Variants in LARGE1 observed in about 807,000 individuals in gnomAD.
LARGE1 encodes the protein xylosyl- and glucuronyltransferase LARGE1.
Under a neutral mutation model 87.6 loss-of-function variants are expected in LARGE1, and 43 were observed. The ratio of observed to expected loss-of-function variants is 0.49; its 90% CI spans 0.38 to 0.63. The LOEUF is 0.63. LARGE1 is among the 30% of genes least tolerant of loss of function. The probability of loss-of-function intolerance (pLI) is 0.00; values close to 1 mark genes in which losing one functional copy is unlikely to be tolerated. For missense variants in LARGE1, 802 were observed against 1,000.2 expected (o/e 0.80, Z 2.67); for synonymous variants, 434 against 394.6 (o/e 1.10, Z -1.18).
upstream of LARGE1, among the ~76,000 whole-genome samples, chr22:33,922,096 C>A (rs910943820): frequency 1.3e-5 from 2 of 152,084 alleles, no homozygotes; most frequent in Admixed American, 1.3e-4. Context: ...GGCGGGCCGC[C>A]GGGTCTTTGC....
At chr22:33,676,145 C>G (rs909396237) in intron 2 of LARGE1, among the ~76,000 whole-genome samples, 1 of 151,806 alleles carries the variant, frequency 6.6e-6, no homozygotes, top group African/African-American at 2.4e-5. Context: ...CAAAAAGTGG[C>G]TTATGCAGAT....
chr22:33,757,729 C>T (rs2084571220), intron 2 of LARGE1, among the ~76,000 whole-genome samples: 1 of 152,158 alleles, frequency 6.6e-6, no homozygotes, highest in African/African-American at 2.4e-5. Context: ...AGCAACTCTG[C>T]CCCTTATTTA....
At chr22:33,621,986 G>A (rs2079768470) in intron 4 of LARGE1, among the ~76,000 whole-genome samples, 1 of 152,158 alleles carries the variant, frequency 6.6e-6, no homozygotes, top group Admixed American at 6.5e-5. Flanking sequence ...AAACATCTGA[G>A]CTCCCAAACT....
At chr22:33,247,309 A>G (rs1001955280) in intron 11 of LARGE1, among the ~76,000 whole-genome samples, 3 of 152,250 alleles carry the variant, frequency 2.0e-5, no homozygotes, top group South Asian at 2.1e-4. Context: ...AATAAACTGA[A>G]TCTATCATTT....
intron 11 of LARGE1, among the ~76,000 whole-genome samples, chr22:33,248,573 A>T (rs1926873865): frequency 6.6e-6 from 1 of 152,116 alleles, no homozygotes; most frequent in East Asian, 1.9e-4. Context: ...AACGTGTCCT[A>T]ATCACCCAAA....
chr22:33,513,820 C>CACACAT (rs2071166732), intron 6 of LARGE1, among the ~76,000 whole-genome samples: 3 of 151,490 alleles, frequency 2.0e-5, no homozygotes, highest in Admixed American at 2.0e-4. Context: ...TGTACACACA[C>CACACAT]ACACACACAC....
intron 1 of LARGE1, among the ~76,000 whole-genome samples, chr22:33,826,811 C>T (rs1052040448): frequency 3.3e-5 from 5 of 151,938 alleles, no homozygotes; most frequent in African/African-American, 1.2e-4. Context: ...TATCATTGGC[C>T]TACAATAGTT....
intron 12 of LARGE1, among the ~76,000 whole-genome samples, chr22:33,291,432 A>C (rs1405706115): frequency 6.6e-6 from 1 of 152,060 alleles, no homozygotes; most frequent in Non-Finnish European, 1.5e-5. Flanking sequence ...ATTCCCTGAA[A>C]TAACTTCCTC....
At chr22:33,698,662 C>T (rs2082324329) in intron 2 of LARGE1, among the ~76,000 whole-genome samples, 1 of 152,178 alleles carries the variant, frequency 6.6e-6, no homozygotes, top group Non-Finnish European at 1.5e-5. Context: ...TCAGCTACAT[C>T]CCAGGTAGGG....
rs1312728882 is a variant in LARGE1 at position 33,273,536 on chromosome 22, C to T, written c.*891G>A. On this transcript the variant is annotated 3_prime_UTR_variant, in exon 15 of 15. Transcript: ENST00000397394. The stretch of plus-strand genomic sequence containing the variant: ...AGTCACTGCCAATAGAAAATGTGAC[C>T]GGTGTAAAACAGCCAGCCCTCGTAA... The T allele has an allele frequency of 1.3e-5, 5 of 398,684 alleles. No homozygotes were observed. The highest frequency in any genetic ancestry group is 3.6e-5 in the East Asian group (1 of 28,074). The allele number at this position is 398,684 out of a possible 1,614,324, so 24.7% of individuals were successfully genotyped here. A position where few individuals can be genotyped will look rare whatever the true frequency, so the allele number is the denominator to read the frequency against.
At chr22:33,254,962 G>A (rs1927187041) in intron 11 of LARGE1, among the ~76,000 whole-genome samples, 1 of 145,466 alleles carries the variant, frequency 6.9e-6, no homozygotes, top group African/African-American at 2.6e-5. Flanking sequence ...TTTTGAGACG[G>A]AGTCTCACTC....
intron 6 of LARGE1, among the ~76,000 whole-genome samples, chr22:33,446,769 C>A (rs2067702098): frequency 6.6e-6 from 1 of 152,168 alleles, no homozygotes; most frequent in Non-Finnish European, 1.5e-5. Context: ...AACAGGCGGG[C>A]AGGACCATCC....
At chr22:33,847,428 C>G (rs1301549681) in intron 1 of LARGE1, among the ~76,000 whole-genome samples, 1 of 152,192 alleles carries the variant, frequency 6.6e-6, no homozygotes, top group Non-Finnish European at 1.5e-5. Context: ...TGTTCTGAAA[C>G]TTTTCATTTA....
intron 2 of LARGE1, among the ~76,000 whole-genome samples, chr22:33,660,090 G>GTTTTT (rs35643369): frequency 1.5e-4 from 19 of 125,422 alleles, no homozygotes; most frequent in African/African-American, 4.6e-4. Context: ...GTGTGTGTGT[G>GTTTTT]TTTTTTTTTT....
chr22:33,614,978 C>A (rs2079542035), intron 4 of LARGE1, among the ~76,000 whole-genome samples: 2 of 152,194 alleles, frequency 1.3e-5, no homozygotes, highest in Non-Finnish European at 2.9e-5. Context: ...TACGCTTCAC[C>A]CCGCTAACTG....
Position 33,274,098 on chromosome 22 carries a change from C to T in LARGE1, c.*329G>A, listed in dbSNP as rs1047097749. On this transcript the variant is annotated 3_prime_UTR_variant, in exon 15 of 15. Transcript: ENST00000397394. The stretch of plus-strand genomic sequence containing the variant: ...CATAATTATTAAAAAGCATCCAGAA[C>T]ATCCTAAAGCCCTGCCCTGATCTTG... 8.4e-6 allele frequency: 4 copies of T among 473,662 alleles called. No individual in the cohort carries two copies. Among genetic ancestry groups the T allele is most frequent in the Non-Finnish European group, 1.1e-5 (3 of 261,766 alleles). 29.3% of individuals were successfully genotyped at this position (473,662 alleles called of 1,614,324 possible).
intron 6 of LARGE1, among the ~76,000 whole-genome samples, chr22:33,449,717 G>A (rs1308528682): frequency 6.6e-6 from 1 of 152,224 alleles, no homozygotes; most frequent in Non-Finnish European, 1.5e-5. Context: ...CATGCTTCGA[G>A]GAGAGCAATC....
At chr22:33,790,041 T>C (rs1354124982) in intron 1 of LARGE1, among the ~76,000 whole-genome samples, 1 of 152,070 alleles carries the variant, frequency 6.6e-6, no homozygotes, top group African/African-American at 2.4e-5. Flanking sequence ...TTTGGCTGTG[T>C]CCCCAAAACT....
chr22:33,195,980 G>T (rs906357013), intron 11 of LARGE1, among the ~76,000 whole-genome samples: 1 of 151,374 alleles, frequency 6.6e-6, no homozygotes, highest in South Asian at 2.1e-4. Flanking sequence ...GGATGGTCTC[G>T]ATCTCCTGAC....
Sources: allele counts gnomAD v4.1 joint callset (sites outside exome capture counted in the v4.1 genomes callset), GRCh38; gene constraint gnomAD v4.1.1; transcripts MANE v1.5; gene names NCBI Gene and HGNC (gene_info 2026-07-23, HGNC 2026-07-21).